The following RASGEF1A variants were observed in gnomAD, a reference collection of about 807,000 sequenced individuals.
RASGEF1A encodes the protein ras-GEF domain-containing family member 1A.
A neutral mutation model predicts 56.4 loss-of-function variants in RASGEF1A; 18 were observed. That is an observed-to-expected ratio of 0.32 (90% CI 0.22 to 0.47). The LOEUF (loss-of-function observed/expected upper bound fraction) is 0.47. RASGEF1A is among the 20% of genes least tolerant of loss of function. The pLI is 1.00. For missense variants in RASGEF1A, 422 were observed against 627.1 expected, an observed-to-expected ratio of 0.67 and a Z score of 3.49; for synonymous variants, 245 against 242.6, an observed-to-expected ratio of 1.01 and a Z score of -0.09.
chr10:43,199,186 C>T lies in RASGEF1A; in HGVS notation c.858G>A (p.Lys286=), dbSNP rs1365839662. Residue 286 remains lysine, a synonymous_variant, in exon 8 of 13, where the codon AAG becomes AAA. Transcript: ENST00000395810. ...CCAACATGCGGGTCCGGTGTTTCTT[C>T]TTCACCACCTGGAAGGTGGCAGGTG... ...LVATEVCRVV[K]KKHRTRMLEF... 1.2e-6 allele frequency: 2 copies of T among 1,608,854 alleles called. No individual in the cohort carries two copies. The highest frequency in any genetic ancestry group is 2.7e-5 in the African/African-American group (2 of 74,842).
At chr10:43,234,873 G>T (rs1411432443) in intron 1 of RASGEF1A, among the ~76,000 whole-genome samples, 3 of 152,262 alleles carry the variant, frequency 2.0e-5, no homozygotes, top group South Asian at 4.1e-4. Context: ...GAGGGCTCAC[G>T]CTGTCTGCCA....
At chr10:43,265,025 G>A (rs1369090953) in intron 1 of RASGEF1A, among the ~76,000 whole-genome samples, 1 of 152,158 alleles carries the variant, frequency 6.6e-6, no homozygotes, top group East Asian at 1.9e-4. Flanking sequence ...GCCACACTGT[G>A]TCCCAGTGCC....
intron 1 of RASGEF1A, among the ~76,000 whole-genome samples, chr10:43,262,880 A>G (rs1334183395): frequency 3.3e-5 from 5 of 152,176 alleles, no homozygotes; most frequent in Non-Finnish European, 5.9e-5. Flanking sequence ...GTGAGCAGGG[A>G]GAGGCAGAAG....
intron 1 of RASGEF1A, among the ~76,000 whole-genome samples, chr10:43,266,553 G>T (rs1836627791): frequency 6.6e-6 from 1 of 150,648 alleles, no homozygotes; most frequent in African/African-American, 2.4e-5. Flanking sequence ...GCCCGGCCCG[G>T]CCCGGCCCGG....
chr10:43,245,275 T>C (rs1247594666), intron 1 of RASGEF1A, among the ~76,000 whole-genome samples: 1 of 152,138 alleles, frequency 6.6e-6, no homozygotes, highest in Admixed American at 6.5e-5. Flanking sequence ...TAACAAGATA[T>C]TGAATTAGTA....
intron 1 of RASGEF1A, among the ~76,000 whole-genome samples, chr10:43,232,781 C>T (rs1840387958): frequency 6.6e-6 from 1 of 152,178 alleles, no homozygotes; most frequent in South Asian, 2.1e-4. Flanking sequence ...GCCACCGTGC[C>T]CGGCCAAGGC....
At chr10:43,240,200 C>A (rs1032223353) in intron 1 of RASGEF1A, among the ~76,000 whole-genome samples, 2 of 152,220 alleles carry the variant, frequency 1.3e-5, no homozygotes, top group African/African-American at 4.8e-5. Flanking sequence ...TGACTCCAGG[C>A]ACTTATGAAA....
At chr10:43,216,670 C>T (rs984506897) in intron 1 of RASGEF1A, among the ~76,000 whole-genome samples, 6 of 152,132 alleles carry the variant, frequency 3.9e-5, no homozygotes, top group Admixed American at 1.3e-4. Flanking sequence ...CAGTGGGCCA[C>T]GTCACAGGGA....
At chr10:43,216,943 T>C (rs1564533822) in intron 1 of RASGEF1A, among the ~76,000 whole-genome samples, 2 of 152,234 alleles carry the variant, frequency 1.3e-5, no homozygotes, top group South Asian at 4.2e-4. Context: ...CCTTTGCCGC[T>C]CACCCTTCCC....
chr10:43,259,161 C>T (rs1588953831), intron 1 of RASGEF1A, among the ~76,000 whole-genome samples: 1 of 152,232 alleles, frequency 6.6e-6, no homozygotes, highest in African/African-American at 2.4e-5. Context: ...CACAGACACT[C>T]ACAGTGACCC....
At chr10:43,261,763 G>C (rs1648408941) in intron 1 of RASGEF1A, among the ~76,000 whole-genome samples, 1 of 152,154 alleles carries the variant, frequency 6.6e-6, no homozygotes, top group Admixed American at 6.5e-5. Context: ...CTCTCACCCA[G>C]AGCCTGGCTC....
At chr10:43,212,748 T>C (rs1192448747) in intron 1 of RASGEF1A, among the ~76,000 whole-genome samples, 1 of 152,188 alleles carries the variant, frequency 6.6e-6, no homozygotes, top group African/African-American at 2.4e-5. Flanking sequence ...TCCAGGACCT[T>C]TTCCAGTGGG....
At chr10:43,224,917 G>T (rs1316136680) in intron 1 of RASGEF1A, among the ~76,000 whole-genome samples, 3 of 152,140 alleles carry the variant, frequency 2.0e-5, no homozygotes, top group Non-Finnish European at 4.4e-5. Flanking sequence ...AAAATCAATA[G>T]CTTACTTATC....
intron 1 of RASGEF1A, among the ~76,000 whole-genome samples, chr10:43,260,311 C>G (rs1384191735): frequency 2.0e-5 from 3 of 152,210 alleles, no homozygotes; most frequent in African/African-American, 4.8e-5. Flanking sequence ...GCTCCTTCCT[C>G]TCCACTCTGC....
At chr10:43,226,981 T>C (rs527543421) in intron 1 of RASGEF1A, among the ~76,000 whole-genome samples, 1 of 152,190 alleles carries the variant, frequency 6.6e-6, no homozygotes, top group South Asian at 2.1e-4. Flanking sequence ...CCGGGTGTCG[T>C]GGAGGCACGG....
At chr10:43,238,463 T>C (rs1840463737) in intron 1 of RASGEF1A, among the ~76,000 whole-genome samples, 1 of 152,232 alleles carries the variant, frequency 6.6e-6, no homozygotes, top group South Asian at 2.1e-4. Context: ...ACAGTTTACT[T>C]ATATTTCATT....
chr10:43,255,180 A>G (rs1182411222), intron 1 of RASGEF1A, among the ~76,000 whole-genome samples: 2 of 152,156 alleles, frequency 1.3e-5, no homozygotes, highest in East Asian at 3.9e-4. Flanking sequence ...GAAGGACAGC[A>G]GGATCCAGGA....
intron 1 of RASGEF1A, among the ~76,000 whole-genome samples, chr10:43,247,777 C>T (rs2133222491): frequency 1.3e-5 from 2 of 152,244 alleles, no homozygotes; most frequent in African/African-American, 4.8e-5. Flanking sequence ...TTAAGAAGTT[C>T]TGGGCTGGGC....
intron 1 of RASGEF1A, among the ~76,000 whole-genome samples, chr10:43,224,274 G>T (rs891342928): frequency 2.0e-5 from 3 of 150,888 alleles, no homozygotes; most frequent in African/African-American, 7.5e-5. Context: ...AAAATAGCAT[G>T]ATTTATAAAT....
Sources: allele counts gnomAD v4.1 joint callset (sites outside exome capture counted in the v4.1 genomes callset), GRCh38; gene constraint gnomAD v4.1.1; transcripts MANE v1.5; gene names NCBI Gene and HGNC (gene_info 2026-07-23, HGNC 2026-07-21).